Variants in ARL13B observed in about 807,000 individuals in gnomAD.
ARL13B encodes ARF like GTPase 13B, also known as ADP-ribosylation factor-like protein 13B.
A neutral mutation model predicts 56.1 loss-of-function variants in ARL13B; 36 were observed. The ratio of observed to expected loss-of-function variants is 0.64; its 90% confidence interval spans 0.49 to 0.85. The LOEUF (loss-of-function observed/expected upper bound fraction) is 0.85. ARL13B is among the 40% of genes least tolerant of loss of function. The probability of loss-of-function intolerance (pLI) is 0.00; values close to 1 mark genes in which losing one functional copy is unlikely to be tolerated. For synonymous variants in ARL13B, 178 were observed against 171.1 expected, an observed-to-expected ratio of 1.04 and a Z score of -0.32; for missense variants, 519 against 507.1, an observed-to-expected ratio of 1.02 and a Z score of -0.23.
intron 3 of ARL13B, among the ~76,000 whole-genome samples, chr3:94,011,659 C>G (rs1186231021): frequency 6.6e-6 from 1 of 152,138 alleles, no homozygotes; most frequent in Non-Finnish European, 1.5e-5. Flanking sequence ...TCTTTCTGCT[C>G]TTACATAATA....
At position 94,055,112 on chromosome 3, in the gene ARL13B, C is replaced by A; in HGVS notation, c.*1849C>A. ...TATAGAATTCACATTTTATATAGCT[C>A]TCTCAAAAATTAATTTTTATTCCTT... On this transcript the variant is annotated 3_prime_UTR_variant, in exon 10 of 10. Coordinates refer to ENST00000394222, the MANE Select transcript of ARL13B (RefSeq NM_001174150.2). 2.7e-6 allele frequency: 1 copy of A among 365,708 alleles called. No individual in the cohort carries two copies. The highest frequency in any genetic ancestry group is 5.2e-6 in the Non-Finnish European group (1 of 191,904). The allele number at this position is 365,708 out of a possible 1,614,324, so 22.7% of individuals were successfully genotyped here.
At chr3:93,989,077 A>G in intron 1 of ARL13B, 1 of 198,098 alleles carries the variant, frequency 5.0e-6, no homozygotes, top group Non-Finnish European at 1.0e-5. Context: ...TTCAGTTTTG[A>G]AAGTCTTTCT....
At chr3:93,995,778 C>A in intron 1 of ARL13B, 96 bp from the exon 2 acceptor site, 1 of 1,092,224 alleles carries the variant, frequency 9.2e-7, no homozygotes, top group South Asian at 1.4e-5. Flanking sequence ...TTAATAGGTG[C>A]TCCTTAAATG....
At chr3:94,021,016 C>T (rs1243944177) in intron 3 of ARL13B, among the ~76,000 whole-genome samples, 2 of 151,764 alleles carry the variant, frequency 1.3e-5, no homozygotes, top group Non-Finnish European at 2.9e-5. Flanking sequence ...CTAACCAAAG[C>T]TAGTGTTTCT....
chr3:94,012,486 A>T (rs1455006738), intron 3 of ARL13B, among the ~76,000 whole-genome samples: 1 of 152,104 alleles, frequency 6.6e-6, no homozygotes, highest in Non-Finnish European at 1.5e-5. Context: ...CCACCACTAT[A>T]TAGTATGTAG....
chr3:94,021,569 G>A (rs2076449634), intron 3 of ARL13B, among the ~76,000 whole-genome samples: 1 of 152,148 alleles, frequency 6.6e-6, no homozygotes, highest in African/African-American at 2.4e-5. Context: ...GGGAAGTAAT[G>A]TGGAAACTTT....
rs553290811 is a variant in ARL13B, at chr3:94,051,008, G to A, written c.1210+116G>A. On this transcript the variant is annotated intron_variant, in intron 9 of 9. Coordinates refer to ENST00000394222, the MANE Select transcript of ARL13B (RefSeq NM_001174150.2). ...GTTTTAGAAGCTTGTCAAATCCACA[G>A]CTATCCTTTTTCATTATACGTCTTT... 4.4e-5 allele frequency: 39 copies of A among 880,726 alleles called. No individual in the cohort carries two copies. The African/African-American group carries it at 6.3e-4, about 14-fold the overall frequency. 54.6% of individuals were successfully genotyped at this position (880,726 alleles called of 1,614,324 possible).
intron 2 of ARL13B, chr3:93,996,802 C>CGTG (rs1466392373): frequency 5.8e-6 from 1 of 172,250 alleles, no homozygotes; most frequent in Non-Finnish European, 1.3e-5. Flanking sequence ...ACCCCGGGGC[C>CGTG]GTGGACCAAT....
rs1461276590 is a variant in ARL13B at position 94,054,102 on chromosome 3, A to G, written c.*839A>G. ...TAAAGTCCTATTTTAAAGGTTAGACACTTTCAGAGATCAAGGTGCTCCCTA... is the reference window on the plus strand; with the variant it reads ...TAAAGTCCTATTTTAAAGGTTAGACGCTTTCAGAGATCAAGGTGCTCCCTA... On this transcript the variant is annotated 3_prime_UTR_variant, in exon 10 of 10. Coordinates refer to ENST00000394222, the MANE Select transcript of ARL13B (RefSeq NM_001174150.2). 6.6e-6 allele frequency: 3 copies of G among 452,586 alleles called. No individual in the cohort carries two copies. The highest frequency in any genetic ancestry group is 6.0e-5 in the African/African-American group (3 of 49,982). The allele number at this position is 452,586 out of a possible 1,614,324, so 28.0% of individuals were successfully genotyped here. A position where few individuals can be genotyped will look rare whatever the true frequency, so the allele number is the denominator to read the frequency against.
chr3:94,034,207 T>C (rs1342824505), intron 3 of ARL13B, among the ~76,000 whole-genome samples: 4 of 152,146 alleles, frequency 2.6e-5, no homozygotes, highest in African/African-American at 9.6e-5. Flanking sequence ...GGTATGTAGA[T>C]TTTAATGGTA....
At chr3:93,998,925 CT>C (rs78985252) in intron 2 of ARL13B, among the ~76,000 whole-genome samples, 1,964 of 141,312 alleles carry the variant, frequency 0.014, 34 homozygotes, top group African/African-American at 0.039. Context: ...TCTCAGCCTT[CT>C]TTTTTTTTTT....
rs1483907192 is a variant in ARL13B, at chr3:94,049,612, A to G, written c.1141+90A>G. On this transcript the variant is annotated intron_variant, in intron 8 of 9. Coordinates refer to ENST00000394222, the MANE Select transcript of ARL13B (RefSeq NM_001174150.2). ...AGAAAAAAGGAATCTTGTCATTTTT[A>G]TTCTGTATATTCATTATCTTGTATA... The G allele has an allele frequency of 7.4e-6, 7 of 951,572 alleles. No homozygotes were observed. The East Asian group carries it at 1.5e-4, about 20-fold the overall frequency. 58.9% of individuals were successfully genotyped at this position (951,572 alleles called of 1,614,324 possible).
rs1464292318 is a variant in ARL13B at position 93,997,134 on chromosome 3, A to G, written c.130+1190A>G. On this transcript the variant is annotated intron_variant, in intron 2 of 9. Transcript: ENST00000394222. The stretch of plus-strand genomic sequence containing the variant: ...CTTGGGGTCCCACTGATTGTACATT[A>G]TGGTGAGTTGTATAATTATTTCATT... 2.0e-5 allele frequency among the ~76,000 whole-genome samples: 3 copies of G among 152,088 alleles called. No homozygotes were observed. The East Asian group carries it at 5.8e-4, about 29-fold the overall frequency.
At chr3:94,008,195 A>G (rs889930462) in intron 3 of ARL13B, among the ~76,000 whole-genome samples, 28 of 152,326 alleles carry the variant, frequency 1.8e-4, no homozygotes, top group African/African-American at 6.7e-4. Context: ...CTTTGCAATC[A>G]TGTTAATCTA....
chr3:93,994,575 T>A (rs1465293912), intron 1 of ARL13B, among the ~76,000 whole-genome samples: 1 of 152,186 alleles, frequency 6.6e-6, no homozygotes, highest in East Asian at 1.9e-4. Context: ...TTGTTTGTTT[T>A]ATTATGATAG....
intron 1 of ARL13B, 90 bp downstream of exon 1, chr3:93,980,572 C>A (rs1259925488): frequency 6.6e-7 from 1 of 1,512,434 alleles, no homozygotes. Context: ...CGCGCCTGGA[C>A]GAGTCTATCC....
intron 3 of ARL13B, among the ~76,000 whole-genome samples, chr3:94,013,102 A>G (rs2076253852): frequency 6.6e-6 from 1 of 152,088 alleles, no homozygotes; most frequent in African/African-American, 2.4e-5. Context: ...CTTTGCACAG[A>G]GTTAGTCAGA....
intron 6 of ARL13B, among the ~76,000 whole-genome samples, chr3:94,041,330 A>C (rs892036431): frequency 6.6e-6 from 1 of 152,186 alleles, no homozygotes; most frequent in African/African-American, 2.4e-5. Context: ...AGAAAAAAAT[A>C]ATAGAACAAC....
At chr3:94,051,347 G>C (rs1353700658) in intron 9 of ARL13B, among the ~76,000 whole-genome samples, 1 of 152,042 alleles carries the variant, frequency 6.6e-6, no homozygotes, top group African/African-American at 2.4e-5. Flanking sequence ...GTGAAGTAAA[G>C]ATCAACACAG....
Sources: gnomAD v4.1 joint callset for allele counts (sites outside exome capture counted in the v4.1 genomes callset) on GRCh38, gnomAD v4.1.1 for gene constraint, MANE v1.5 for transcripts, NCBI Gene and HGNC (gene_info 2026-07-23, HGNC 2026-07-21) for gene names.